The following NHEJ1 variants were observed in gnomAD, a reference collection of about 807,000 sequenced individuals.
NHEJ1 encodes non-homologous end-joining factor 1.
Under a neutral mutation model 39.4 loss-of-function variants are expected in NHEJ1, and 22 were observed. The ratio of observed to expected loss-of-function variants is 0.56; its 90% confidence interval spans 0.40 to 0.80. NHEJ1 has a LOEUF of 0.80. Ranked by LOEUF, NHEJ1 falls within the 30% of genes least tolerant of loss-of-function variation. The pLI is 0.00. For missense variants in NHEJ1, 329 were observed against 357.1 expected (o/e 0.92, Z 0.63); for synonymous variants, 154 against 135.6 (o/e 1.14, Z -0.94).
At chr2:219,136,999 T>C (rs187224279) in intron 5 of NHEJ1, among the ~76,000 whole-genome samples, 1 of 151,792 alleles carries the variant, frequency 6.6e-6, no homozygotes, top group Admixed American at 6.6e-5. Flanking sequence ...TAAATTTCCT[T>C]TTGAAAACAT....
intron 5 of NHEJ1, among the ~76,000 whole-genome samples, chr2:219,139,872 G>A (rs969833058): frequency 1.3e-5 from 2 of 152,096 alleles, no homozygotes; most frequent in Non-Finnish European, 2.9e-5. Context: ...TTAGAGACAG[G>A]GTTTCACCGT....
In NHEJ1 at chr2:219,072,869, T is replaced by C. The variant is rs114297507; in HGVS notation, c.*3512A>G. On this transcript the variant is annotated 3_prime_UTR_variant, in exon 8 of 8. Transcript: ENST00000356853. ...GAGAGGAAAATGCTCCTAGTGACAATGTAAGGAACGAAACCAGGAGGAGCA... is the reference window on the plus strand; with the variant it reads ...GAGAGGAAAATGCTCCTAGTGACAACGTAAGGAACGAAACCAGGAGGAGCA... Among the ~76,000 whole-genome samples, 1,291 of 152,238 alleles carry C rather than the reference T, an allele frequency of 8.5e-3. 27 individuals are homozygous for C. Among genetic ancestry groups the C allele is most frequent in the African/African-American group, 0.029 (1,199 of 41,534 alleles).
chr2:219,125,794 C>G (rs1031986569), intron 5 of NHEJ1: 4 of 152,250 alleles, frequency 2.6e-5, no homozygotes, highest in Non-Finnish European at 5.9e-5. Context: ...TGATACCCAG[C>G]CCCCAACAGC....
In NHEJ1 at chr2:219,072,924, C is replaced by T. The variant is rs1194154668; in HGVS notation, c.*3457G>A. Among the ~76,000 whole-genome samples, 3 of 152,152 alleles carry T rather than the reference C, an allele frequency of 2.0e-5. No individual in the cohort carries two copies. Among genetic ancestry groups the T allele is most frequent in the Non-Finnish European group, 2.9e-5 (2 of 68,040 alleles). On this transcript the variant is annotated 3_prime_UTR_variant, in exon 8 of 8. Transcript: ENST00000356853. The stretch of plus-strand genomic sequence containing the variant: ...AGCCTTTTCCATTCCCCACTCCTCC[C>T]GCCAGCTTTGTACAGAGTACACAAG...
Position 219,111,010 on chromosome 2 carries a change from C to T in NHEJ1, c.589-32804G>A. Among the ~76,000 whole-genome samples, 1 of 152,098 alleles carries T rather than the reference C, an allele frequency of 6.6e-6. No homozygotes were observed. Among genetic ancestry groups the T allele is most frequent in the East Asian group, 1.9e-4 (1 of 5,192 alleles). ...AAGGGACATGGGTAGATAAGATGAG[C>T]TTAGTTTTAAAGTATTTCTCTTTAC... On this transcript the variant is annotated intron_variant, in intron 5 of 7. Transcript: ENST00000356853. The surrounding 1 kb of genome is among the most constrained non-coding windows in gnomAD (Gnocchi z 4.1).
intron 5 of NHEJ1, among the ~76,000 whole-genome samples, chr2:219,128,071 T>C (rs914659088): frequency 1.3e-5 from 2 of 152,214 alleles, no homozygotes; most frequent in Non-Finnish European, 1.5e-5. Context: ...CATTAGGAAA[T>C]AGCTCAACTC....
chr2:219,080,958 C>G (rs1013212509), intron 5 of NHEJ1, among the ~76,000 whole-genome samples: 3 of 152,106 alleles, frequency 2.0e-5, no homozygotes, highest in Non-Finnish European at 4.4e-5. Context: ...CATATAATTA[C>G]TATCCTATTT....
intron 5 of NHEJ1, among the ~76,000 whole-genome samples, chr2:219,078,675 G>A (rs183491627): frequency 2.6e-5 from 4 of 152,342 alleles, no homozygotes; most frequent in Admixed American, 2.0e-4. Context: ...GAGCTGTGAT[G>A]TTCAGGCAGA....
In NHEJ1 at chr2:219,111,628, GACACAC is replaced by G. The variant is rs368706049; in HGVS notation, c.589-33428_589-33423del. On this transcript the variant is annotated intron_variant, in intron 5 of 7. Coordinates refer to ENST00000356853, the MANE Select transcript of NHEJ1 (RefSeq NM_024782.3). This position sits in a 1 kb window ranked among gnomAD's most constrained non-coding sequence, Gnocchi z 4.1. Reference sequence around the variant, plus strand: ...GAATTAAGTCTACAGTGTGAATACAGACACACACACACACACACACACACACACACA... The same window carrying G: ...GAATTAAGTCTACAGTGTGAATACAGACACACACACACACACACACACACA... 4.1e-3 allele frequency among the ~76,000 whole-genome samples: 561 copies of G among 138,444 alleles called. 17 individuals are homozygous for G. The highest frequency in any genetic ancestry group is 0.037 in the Admixed American group (520 of 13,904). The allele number at this position is 138,444 out of a possible 152,430, so 90.8% of individuals were successfully genotyped here.
At chr2:219,083,430 G>A (rs1949083373) in intron 5 of NHEJ1, among the ~76,000 whole-genome samples, 1 of 147,594 alleles carries the variant, frequency 6.8e-6, no homozygotes, top group Non-Finnish European at 1.5e-5. Flanking sequence ...ACTCAAAGAG[G>A]AAGAAGCAAG....
At chr2:219,120,525 T>C (rs1449875127) in intron 5 of NHEJ1, among the ~76,000 whole-genome samples, 1 of 152,176 alleles carries the variant, frequency 6.6e-6, no homozygotes, top group Non-Finnish European at 1.5e-5. Flanking sequence ...GGCTATGTTT[T>C]TTCCCTAAAC....
intron 3 of NHEJ1, among the ~76,000 whole-genome samples, chr2:219,150,921 A>C (rs1174365477): frequency 6.6e-6 from 1 of 151,580 alleles, no homozygotes; most frequent in Non-Finnish European, 1.5e-5. Flanking sequence ...GCGCCATTGC[A>C]CTCCAGCCTG....
intron 5 of NHEJ1, among the ~76,000 whole-genome samples, chr2:219,120,077 G>A (rs1949457029): frequency 3.3e-5 from 5 of 152,008 alleles, no homozygotes; most frequent in Admixed American, 1.3e-4. Context: ...ACTAATGAAC[G>A]CAGTATCACC....
intron 5 of NHEJ1, among the ~76,000 whole-genome samples, chr2:219,128,886 A>G (rs1949549338): frequency 6.6e-6 from 1 of 152,072 alleles, no homozygotes; most frequent in Non-Finnish European, 1.5e-5. Context: ...ACCCCCAATG[A>G]CCCAGTACCT....
chr2:219,139,539 G>A (rs1053881430), intron 5 of NHEJ1, among the ~76,000 whole-genome samples: 3 of 152,182 alleles, frequency 2.0e-5, no homozygotes, highest in Non-Finnish European at 4.4e-5. Flanking sequence ...CAATGACTGC[G>A]TTACCAGCTG....
At chr2:219,132,548 C>T (rs772512696) in intron 5 of NHEJ1, among the ~76,000 whole-genome samples, 12 of 152,142 alleles carry the variant, frequency 7.9e-5, no homozygotes, top group Admixed American at 2.6e-4. Flanking sequence ...CAATCCATAG[C>T]ATCAGAATTG....
chr2:219,121,358 T>C (rs1949469506), intron 5 of NHEJ1, among the ~76,000 whole-genome samples: 1 of 152,204 alleles, frequency 6.6e-6, no homozygotes, highest in African/African-American at 2.4e-5. Flanking sequence ...AGGAAAGCTA[T>C]TTACTATCCT....
intron 5 of NHEJ1, among the ~76,000 whole-genome samples, chr2:219,079,809 T>C (rs1949046259): frequency 6.6e-6 from 1 of 152,216 alleles, no homozygotes; most frequent in Non-Finnish European, 1.5e-5. Context: ...CAGAGAGCCC[T>C]GATGGTGGGG....
intron 5 of NHEJ1, among the ~76,000 whole-genome samples, chr2:219,131,230 C>T (rs1453787538): frequency 6.6e-6 from 1 of 152,200 alleles, no homozygotes; most frequent in African/African-American, 2.4e-5. Context: ...CATGGCTGTT[C>T]AGGTAGCACC....
Sources: gnomAD v4.1 joint callset for allele counts (sites outside exome capture counted in the v4.1 genomes callset) on GRCh38, gnomAD v4.1.1 for gene constraint, Gnocchi (gnomAD v3.1) non-coding constraint, MANE v1.5 for transcripts, NCBI Gene and HGNC (gene_info 2026-07-23, HGNC 2026-07-21) for gene names.